The following RBM19 variants were observed in gnomAD, a reference collection of about 807,000 sequenced individuals.
The protein encoded by RBM19 is RNA binding motif protein 19, also known as probable RNA-binding protein 19.
Under a neutral mutation model 116.8 loss-of-function variants are expected in RBM19, and 94 were observed. That is an observed-to-expected ratio of 0.80 (90% CI 0.68 to 0.95). RBM19 has a LOEUF of 0.95. Among genes scored for constraint, RBM19 ranks in the 40% least tolerant of loss-of-function variants. The pLI is 0.00. For missense variants in RBM19, 1,161 were observed against 1,220.7 expected (o/e 0.95, Z 0.73); for synonymous variants, 475 against 494.1 (o/e 0.96, Z 0.51).
intron 17 of RBM19, 101 bp from the exon 18 acceptor site, chr12:113,924,858 T>C (rs550970191): frequency 3.2e-5 from 31 of 965,168 alleles, no homozygotes; most frequent in East Asian, 1.7e-4. Context: ...TATGGACACC[T>C]TGGGGTCCCA....
At chr12:113,921,632 A>G (rs867503626) in intron 18 of RBM19, among the ~76,000 whole-genome samples, 20 of 152,138 alleles carry the variant, frequency 1.3e-4, no homozygotes, top group African/African-American at 1.7e-4. Context: ...AATTCCATTA[A>G]TTGCCCATAC....
At chr12:113,944,505 A>G (rs1264087218) in intron 13 of RBM19, among the ~76,000 whole-genome samples, 2 of 152,128 alleles carry the variant, frequency 1.3e-5, no homozygotes, top group African/African-American at 4.8e-5. Flanking sequence ...TTTGTACTTC[A>G]TATATATAAA....
At chr12:113,845,825 A>C (rs1876917639) in intron 22 of RBM19, among the ~76,000 whole-genome samples, 1 of 152,172 alleles carries the variant, frequency 6.6e-6, no homozygotes, top group Admixed American at 6.5e-5. Flanking sequence ...TAGTGGCCAA[A>C]AGCTTGGAGT....
chr12:113,871,156 G>A lies in RBM19; in HGVS notation c.2559-12260C>T, dbSNP rs375030601. Among the ~76,000 whole-genome samples, 16 of 152,298 alleles carry A rather than the reference G, an allele frequency of 1.1e-4. No individual in the cohort carries two copies. In the South Asian group the frequency reaches 2.1e-3, roughly 20 times the overall value. ...AGCCTGCACAAGGAGATGTTGTCACGCACTCCTCAAGACTCCAGAGAAGCC... is the reference window on the plus strand; with the variant it reads ...AGCCTGCACAAGGAGATGTTGTCACACACTCCTCAAGACTCCAGAGAAGCC... On this transcript the variant is annotated intron_variant, in intron 21 of 23. Coordinates refer to ENST00000261741, the MANE Select transcript of RBM19 (RefSeq NM_016196.4).
chr12:113,835,836 C>T (rs537623629), intron 23 of RBM19, among the ~76,000 whole-genome samples: 1 of 152,334 alleles, frequency 6.6e-6, no homozygotes, highest in South Asian at 2.1e-4. Flanking sequence ...CATCAGTCCT[C>T]CCCAGCTGGA....
intron 21 of RBM19, among the ~76,000 whole-genome samples, chr12:113,872,221 T>C (rs200203643): frequency 0.021 from 2,583 of 124,208 alleles, 48 homozygotes; most frequent in East Asian, 0.13. Flanking sequence ...GCCGAGACCC[T>C]GTCTGGGAGG....
At chr12:113,897,561 C>T (rs538193282) in intron 21 of RBM19, among the ~76,000 whole-genome samples, 3 of 151,812 alleles carry the variant, frequency 2.0e-5, no homozygotes, top group Admixed American at 6.6e-5. Context: ...CCTACAATCC[C>T]GGCTACTCGG....
At chr12:113,890,093 G>A (rs1375007394) in intron 21 of RBM19, among the ~76,000 whole-genome samples, 1 of 152,200 alleles carries the variant, frequency 6.6e-6, no homozygotes, top group Non-Finnish European at 1.5e-5. Flanking sequence ...CTAAATGGTT[G>A]TTTGGATGGA....
At chr12:113,918,555 T>C (rs1032624985) in intron 19 of RBM19, 108 bp from the exon 20 acceptor site, 26 of 1,128,374 alleles carry the variant, frequency 2.3e-5, no homozygotes, top group Non-Finnish European at 3.4e-5. Context: ...AGCCTGATTG[T>C]TCCCCGGGGA....
intron 23 of RBM19, among the ~76,000 whole-genome samples, chr12:113,843,110 C>T (rs1386203206): frequency 6.6e-6 from 1 of 152,216 alleles, no homozygotes; most frequent in African/African-American, 2.4e-5. Flanking sequence ...TCGCCCTAAG[C>T]AAGACCAGTG....
Position 113,927,169 on chromosome 12 carries a change from G to A in RBM19, c.2129C>T (p.Ser710Leu), listed in dbSNP as rs1168804141. Residue 710 changes from serine (S) to leucine (L), a missense_variant, in exon 17 of 24, where the codon TCA becomes TTA. Physicochemically the swap from Ser to Leu is moderately radical, Grantham distance 145. Coordinates refer to ENST00000261741, the MANE Select transcript of RBM19 (RefSeq NM_016196.4). ...CTCCTCCTCCTCTTCCATCTTTGCT[G>A]AAGAGTTGTCTGCTCCTTCCTCTGT... ...NPTEEGADNS[S>L]AKMEEEEEEE... 9.4e-6 allele frequency: 15 copies of A among 1,597,640 alleles called. No homozygotes were observed. The South Asian group carries it at 1.6e-4, about 17-fold the overall frequency.
chr12:113,961,403 T>G lies in RBM19; in HGVS notation c.219+829A>C, dbSNP rs540401200. Among the ~76,000 whole-genome samples the G allele has an allele frequency of 2.6e-3, 400 of 152,192 alleles. 2 individuals carry two copies. Among genetic ancestry groups the G allele is most frequent in the Middle Eastern group, 0.014 (4 of 294 alleles). ...TAATGACATGCTCACGGTACAAAAT[T>G]CAAATAATATACAAAAGTACAATGG... On this transcript the variant is annotated intron_variant, in intron 2 of 23. Coordinates refer to ENST00000261741, the MANE Select transcript of RBM19 (RefSeq NM_016196.4).
At chr12:113,856,254 T>C (rs1294769336) in intron 22 of RBM19, among the ~76,000 whole-genome samples, 1 of 152,226 alleles carries the variant, frequency 6.6e-6, no homozygotes. Flanking sequence ...TAGAGGGCTG[T>C]GCTGGGCTTC....
At chr12:113,885,978 C>A (rs1880488201) in intron 21 of RBM19, among the ~76,000 whole-genome samples, 1 of 151,008 alleles carries the variant, frequency 6.6e-6, no homozygotes, top group Non-Finnish European at 1.5e-5. Flanking sequence ...ATGCAATTCT[C>A]CTGCCTCAGC....
chr12:113,840,716 G>A (rs1479886233), intron 23 of RBM19, among the ~76,000 whole-genome samples: 2 of 152,182 alleles, frequency 1.3e-5, no homozygotes, highest in African/African-American at 4.8e-5. Flanking sequence ...GCTGCCCTCT[G>A]GCAGGGGCTG....
At chr12:113,824,169 C>G (rs1223417236) in intron 23 of RBM19, among the ~76,000 whole-genome samples, 3 of 152,184 alleles carry the variant, frequency 2.0e-5, no homozygotes, top group Non-Finnish European at 4.4e-5. Flanking sequence ...CTGTCAGCAA[C>G]CCCACAGGCA....
intron 11 of RBM19, 99 bp downstream of exon 11, chr12:113,947,235 T>G (rs926545878): frequency 1.2e-5 from 17 of 1,398,870 alleles, no homozygotes; most frequent in Non-Finnish European, 1.6e-5. Flanking sequence ...GCCCACAAAG[T>G]GGACGCCCGT....
rs1035840086 is a variant in RBM19 at position 113,903,791 on chromosome 12, ATCT to A, written c.2558+11175_2558+11177del. ...TGTAGGCTGGCCAACCCTATATCAGATCTTCTATCTTGATATAATCTGGGTAGT... is the reference window on the plus strand; with the variant it reads ...TGTAGGCTGGCCAACCCTATATCAGATCTATCTTGATATAATCTGGGTAGT... On this transcript the variant is annotated intron_variant, in intron 21 of 23. Coordinates refer to ENST00000261741, the MANE Select transcript of RBM19 (RefSeq NM_016196.4). The surrounding 1 kb of genome is among the most constrained non-coding windows in gnomAD (Gnocchi z 5.1). Among the ~76,000 whole-genome samples, 1 of 152,202 alleles carries A rather than the reference ATCT, an allele frequency of 6.6e-6. No homozygotes were observed. The highest frequency in any genetic ancestry group is 1.5e-5 in the Non-Finnish European group (1 of 68,028).
chr12:113,897,443 G>A (rs190456823), intron 21 of RBM19, among the ~76,000 whole-genome samples: 1 of 152,364 alleles, frequency 6.6e-6, no homozygotes, highest in East Asian at 1.9e-4. Context: ...TGGGATTACA[G>A]GTGTGAGTCA....
Sources: gnomAD v4.1 joint callset for allele counts (sites outside exome capture counted in the v4.1 genomes callset) on GRCh38, gnomAD v4.1.1 for gene constraint, Gnocchi (gnomAD v3.1) non-coding constraint, MANE v1.5 for transcripts, NCBI Gene and HGNC (gene_info 2026-07-23, HGNC 2026-07-21) for gene names.